The following NR2F1-AS1 variants were observed in gnomAD, a reference collection of about 807,000 sequenced individuals.
The protein encoded by NR2F1-AS1 is NR2F1 antisense RNA 1.
At position 93,579,518 on chromosome 5, in the gene NR2F1-AS1, C is replaced by T. The variant is rs1489532; in HGVS notation, n.313+949G>A. 5.5e-3 allele frequency among the ~76,000 whole-genome samples: 844 copies of T among 152,292 alleles called. 6 individuals are homozygous for T. The highest frequency in any genetic ancestry group is 0.019 in the African/African-American group (810 of 41,570). ...CGGGCAGGCTCAGCTGTCATCCCGT[C>T]TCGCCTTGGCCCTCACCTACAGGGC... On this transcript the variant is annotated intron_variant and non_coding_transcript_variant, in intron 1 of 5. Coordinates refer to ENST00000660523, the Ensembl canonical transcript of NR2F1-AS1. The surrounding 1 kb of genome is among the most constrained non-coding windows in gnomAD (Gnocchi z 5.1).
intron 4 of NR2F1-AS1, among the ~76,000 whole-genome samples, chr5:93,485,812 A>C: frequency 1.3e-5 from 2 of 150,200 alleles, no homozygotes; most frequent in East Asian, 2.0e-4. Flanking sequence ...ACACATGCAC[A>C]CGTATGTTTA....
intron 4 of NR2F1-AS1, among the ~76,000 whole-genome samples, chr5:93,528,068 A>C (rs534685967): frequency 6.6e-6 from 1 of 152,322 alleles, no homozygotes; most frequent in African/African-American, 2.4e-5. Context: ...CAACCTACAG[A>C]ATGGGAGAAA....
chr5:93,455,225 A>G (rs1749920932), intron 4 of NR2F1-AS1, among the ~76,000 whole-genome samples: 1 of 152,220 alleles, frequency 6.6e-6, no homozygotes, highest in Admixed American at 6.5e-5. Context: ...AGAGGAGGAA[A>G]AAAAGTTTTA....
chr5:93,412,874 C>G (rs921348102), intron 4 of NR2F1-AS1, among the ~76,000 whole-genome samples: 1 of 152,114 alleles, frequency 6.6e-6, no homozygotes, highest in Admixed American at 6.6e-5. Flanking sequence ...GTACCAACAC[C>G]TTCCCTGAAC....
intron 1 of NR2F1-AS1, among the ~76,000 whole-genome samples, chr5:93,565,285 T>C (rs891315954): frequency 1.1e-4 from 17 of 152,090 alleles, no homozygotes; most frequent in African/African-American, 3.6e-4. Flanking sequence ...GCAGAGACCA[T>C]AGAGGCCTAC....
chr5:93,467,639 C>A (rs1029022004), intron 4 of NR2F1-AS1, among the ~76,000 whole-genome samples: 1 of 152,120 alleles, frequency 6.6e-6, no homozygotes, highest in African/African-American at 2.4e-5. Flanking sequence ...TGGTAGAATC[C>A]TTTGTTAGAT....
intron 4 of NR2F1-AS1, among the ~76,000 whole-genome samples, chr5:93,527,845 C>A (rs1249319224): frequency 3.3e-5 from 5 of 152,074 alleles, no homozygotes; most frequent in Non-Finnish European, 7.4e-5. Flanking sequence ...CAAAAATTAA[C>A]TCAACATGGA....
chr5:93,488,031 C>T (rs1454423510), intron 4 of NR2F1-AS1, among the ~76,000 whole-genome samples: 4 of 152,168 alleles, frequency 2.6e-5, no homozygotes, highest in African/African-American at 9.7e-5. Context: ...GGAAAACTGG[C>T]TAGCCACATG....
chr5:93,449,830 A>G (rs552825936), intron 4 of NR2F1-AS1, among the ~76,000 whole-genome samples: 1 of 152,270 alleles, frequency 6.6e-6, no homozygotes, highest in Non-Finnish European at 1.5e-5. Context: ...GCCTACTAAG[A>G]CCAACAACAA....
chr5:93,578,663 A>G (rs1188031559), intron 1 of NR2F1-AS1, among the ~76,000 whole-genome samples: 1 of 152,140 alleles, frequency 6.6e-6, no homozygotes, highest in Non-Finnish European at 1.5e-5. Flanking sequence ...TTCCGAGGTG[A>G]AAGGCCTGGC....
At chr5:93,451,083 A>C (rs548262920) in intron 4 of NR2F1-AS1, among the ~76,000 whole-genome samples, 2 of 152,248 alleles carry the variant, frequency 1.3e-5, no homozygotes, top group Non-Finnish European at 1.5e-5. Context: ...GAGGTGATTT[A>C]ATTTACTATC....
intron 1 of NR2F1-AS1, among the ~76,000 whole-genome samples, chr5:93,565,242 G>GA (rs1752591640): frequency 6.6e-6 from 1 of 152,028 alleles, no homozygotes; most frequent in South Asian, 2.1e-4. Flanking sequence ...AAGAAGCACT[G>GA]AAAAAAATGT....
At chr5:93,501,500 T>C (rs547921801) in intron 4 of NR2F1-AS1, among the ~76,000 whole-genome samples, 1 of 151,854 alleles carries the variant, frequency 6.6e-6, no homozygotes, top group African/African-American at 2.4e-5. Flanking sequence ...ATTACAGGTG[T>C]CCACCACCAT....
chr5:93,556,761 A>T (rs1752365262), intron 2 of NR2F1-AS1, among the ~76,000 whole-genome samples: 1 of 152,186 alleles, frequency 6.6e-6, no homozygotes, highest in Non-Finnish European at 1.5e-5. Context: ...ACCATGGAAC[A>T]GATTCTCCCT....
intron 4 of NR2F1-AS1, among the ~76,000 whole-genome samples, chr5:93,529,839 A>G (rs1212738536): frequency 1.3e-5 from 2 of 152,190 alleles, no homozygotes; most frequent in Non-Finnish European, 2.9e-5. Context: ...AACAGGAGGT[A>G]ACCTGTGTGA....
intron 4 of NR2F1-AS1, among the ~76,000 whole-genome samples, chr5:93,436,843 C>T (rs1749442391): frequency 6.6e-6 from 1 of 152,068 alleles, no homozygotes; most frequent in Non-Finnish European, 1.5e-5. Context: ...AATCACCTGA[C>T]TACCTGGTCC....
intron 4 of NR2F1-AS1, among the ~76,000 whole-genome samples, chr5:93,510,336 A>G (rs1751269583): frequency 6.6e-6 from 1 of 152,190 alleles, no homozygotes; most frequent in Non-Finnish European, 1.5e-5. Flanking sequence ...TTTCAAATGC[A>G]TATGTAATAA....
At chr5:93,418,608 T>TAAAC (rs1749019806) in intron 4 of NR2F1-AS1, among the ~76,000 whole-genome samples, 1 of 151,592 alleles carries the variant, frequency 6.6e-6, no homozygotes, top group African/African-American at 2.4e-5. Flanking sequence ...AATAAATAAA[T>TAAAC]AAATAAATAA....
chr5:93,434,188 G>A (rs1298759219), intron 4 of NR2F1-AS1, among the ~76,000 whole-genome samples: 1 of 151,978 alleles, frequency 6.6e-6, no homozygotes, highest in African/African-American at 2.4e-5. Context: ...TAGAAGGGAT[G>A]ATCAGTTTAG....
Sources: gnomAD v4.1 joint callset for allele counts (sites outside exome capture counted in the v4.1 genomes callset) on GRCh38, gnomAD v4.1.1 for gene constraint, Gnocchi (gnomAD v3.1) non-coding constraint, MANE v1.5 for transcripts, NCBI Gene and HGNC (gene_info 2026-07-23, HGNC 2026-07-21) for gene names.